Variants in NIPBL observed in about 807,000 individuals in gnomAD.
NIPBL encodes the protein nipped-B-like protein.
In NIPBL, 19 loss-of-function variants were observed where a neutral mutation model predicts 321.8. That is an observed-to-expected ratio of 0.06 (90% confidence interval 0.04 to 0.09). The LOEUF (loss-of-function observed/expected upper bound fraction) is 0.09. Ranked by LOEUF, NIPBL falls within the 10% of genes least tolerant of loss-of-function variation. NIPBL has a pLI of 1.00. For missense variants in NIPBL, 2,210 were observed against 3,327.0 expected, an observed-to-expected ratio of 0.66 and a Z score of 8.26; for synonymous variants, 1,106 against 1,114.1, an observed-to-expected ratio of 0.99 and a Z score of 0.14.
At chr5:37,014,628 C>T in intron 21 of NIPBL, 55 bp from the exon 22 acceptor site, 1 of 1,033,604 alleles carries the variant, frequency 9.7e-7, no homozygotes, top group East Asian at 2.4e-5. Flanking sequence ...ACAATAGCAA[C>T]AGGGCTAACT....
intron 1 of NIPBL, among the ~76,000 whole-genome samples, chr5:36,913,546 C>A (rs1443855667): frequency 6.6e-6 from 1 of 151,846 alleles, no homozygotes; most frequent in Non-Finnish European, 1.5e-5. Context: ...TGTGCCACCA[C>A]AGCTGGCTAA....
At position 37,003,287 on chromosome 5, in the gene NIPBL, C is replaced by A; in HGVS notation, c.3795C>A (p.Val1265=). The part of the protein sequence containing the change: ...DKLSTDKTVK[V]LNILEKNIQD... ...TTTCAACTGACAAAACTGTGAAAGT[C>A]TTAAATATCTTGGAGAAGAATATTC... Residue 1265 remains valine, a synonymous_variant, in exon 16 of 47, where the codon GTC becomes GTA. Coordinates refer to ENST00000282516, the MANE Select transcript of NIPBL (RefSeq NM_133433.4). The A allele has an allele frequency of 1.9e-6, 3 of 1,604,494 alleles. No homozygotes were observed. The highest frequency in any genetic ancestry group is 2.6e-6 in the Non-Finnish European group (3 of 1,171,742).
In NIPBL at chr5:36,886,534, G is replaced by A. The variant is rs1402803080; in HGVS notation, c.-80+9356G>A. 15 of 703,260 alleles carry A rather than the reference G, an allele frequency of 2.1e-5. No individual in the cohort carries two copies. The East Asian group carries it at 3.6e-4, about 17-fold the overall frequency. 43.6% of individuals were successfully genotyped at this position (703,260 alleles called of 1,614,324 possible). A position where few individuals can be genotyped will look rare whatever the true frequency, so the allele number is the denominator to read the frequency against. ...CAGGGTACCCTTTGGGGAGCAGGAG[G>A]CCCATAAAATGTTCAGAGGTCATTG... is the stretch of plus-strand genomic sequence containing the variant. On this transcript the variant is annotated intron_variant, in intron 1 of 46. Transcript: ENST00000282516.
intron 10 of NIPBL, among the ~76,000 whole-genome samples, chr5:36,986,908 C>T (rs2149648002): frequency 6.6e-6 from 1 of 152,170 alleles, no homozygotes; most frequent in East Asian, 1.9e-4. Flanking sequence ...GTTATTTTTG[C>T]ATGGTTTCTG....
chr5:36,971,881 C>T (rs1377081276), intron 7 of NIPBL, 64 bp from the exon 8 acceptor site: 13 of 1,551,694 alleles, frequency 8.4e-6, no homozygotes, highest in Non-Finnish European at 1.1e-5. Flanking sequence ...TATTGGTTCT[C>T]TTTTAAGATT....
chr5:36,925,910 G>A (rs1287740759), intron 1 of NIPBL, among the ~76,000 whole-genome samples: 1 of 152,072 alleles, frequency 6.6e-6, no homozygotes, highest in Non-Finnish European at 1.5e-5. Flanking sequence ...AAACTTCTAA[G>A]TCATGGATTT....
rs961989627 is a variant in NIPBL at position 37,059,032 on chromosome 5, G to A, written c.7552G>A (p.Asp2518Asn). ...DSDSDSDSED[D>N]INSVMKCLPE... Reference sequence around the variant, plus strand: ...AGATTCAGATTCAGATTCAGAAGACGATATAAATTCAGTGATGAAATGTTT... The same window carrying A: ...AGATTCAGATTCAGATTCAGAAGACAATATAAATTCAGTGATGAAATGTTT... Residue 2518 changes from aspartate (D) to asparagine (N), a missense_variant, in exon 44 of 47, where the codon GAT (aspartate) becomes AAT (asparagine). Coordinates refer to ENST00000282516, the MANE Select transcript of NIPBL (RefSeq NM_133433.4). 11 of 1,614,040 alleles carry A rather than the reference G, an allele frequency of 6.8e-6. No individual in the cohort carries two copies. The highest frequency in any genetic ancestry group is 9.3e-6 in the Non-Finnish European group (11 of 1,180,026).
intron 29 of NIPBL, 39 bp from the exon 30 acceptor site, chr5:37,024,546 C>A: frequency 3.2e-6 from 5 of 1,572,774 alleles, no homozygotes; most frequent in Non-Finnish European, 4.4e-6. Flanking sequence ...CTAGGCATCT[C>A]AATTTTTCTG....
At position 37,000,313 on chromosome 5, in the gene NIPBL, A is replaced by G. The variant is rs1036670010; in HGVS notation, c.3305-60A>G. On this transcript the variant is annotated intron_variant, in intron 11 of 46. Coordinates refer to ENST00000282516, the MANE Select transcript of NIPBL (RefSeq NM_133433.4). The stretch of plus-strand genomic sequence containing the variant: ...TCCCCATGTGATTCATTTGTAAAGT[A>G]CAAGTTTTAATCATCTTTTTAAATG... The G allele has an allele frequency of 6.6e-6, 10 of 1,522,508 alleles. No homozygotes were observed. In the African/African-American group the frequency reaches 9.6e-5, roughly 15 times the overall value. 94.3% of individuals were successfully genotyped at this position (1,522,508 alleles called of 1,614,324 possible).
chr5:37,025,807 A>T (rs1385578179), intron 30 of NIPBL, among the ~76,000 whole-genome samples: 1 of 150,126 alleles, frequency 6.7e-6, no homozygotes, highest in East Asian at 1.9e-4. Flanking sequence ...ATGTATCCAT[A>T]AAAAAAAAAT....
chr5:37,058,877 AT>A lies in NIPBL; in HGVS notation c.7411-8del. On this transcript the variant is annotated splice_polypyrimidine_tract_variant and intron_variant, in intron 43 of 46. Coordinates refer to ENST00000282516, the MANE Select transcript of NIPBL (RefSeq NM_133433.4). ...TTTTGTTTTTATTGTTTATCAAACGATTTTTTCTTTCAGTCTATGGTAAAGG... is the reference window on the plus strand; with the variant it reads ...TTTTGTTTTTATTGTTTATCAAACGATTTTTCTTTCAGTCTATGGTAAAGG... 1 of 1,613,118 alleles carries A rather than the reference AT, an allele frequency of 6.2e-7. No homozygotes were observed. Among genetic ancestry groups the A allele is most frequent in the East Asian group, 2.2e-5 (1 of 44,858 alleles).
intron 1 of NIPBL, among the ~76,000 whole-genome samples, chr5:36,880,931 A>G (rs1176646889): frequency 6.6e-6 from 1 of 152,026 alleles, no homozygotes; most frequent in African/African-American, 2.4e-5. Flanking sequence ...CAGCCGGAGG[A>G]TAAGGGATTC....
intron 1 of NIPBL, among the ~76,000 whole-genome samples, chr5:36,901,145 T>A (rs941268855): frequency 6.6e-6 from 1 of 152,240 alleles, no homozygotes; most frequent in Non-Finnish European, 1.5e-5. Flanking sequence ...CTTCTTTGTG[T>A]CCATCTGTGG....
At chr5:36,957,049 C>A (rs139743413) in intron 3 of NIPBL, among the ~76,000 whole-genome samples, 1 of 152,186 alleles carries the variant, frequency 6.6e-6, no homozygotes, top group African/African-American at 2.4e-5. Flanking sequence ...TAAGATTGCC[C>A]TGGAAATGTA....
At chr5:37,062,959 T>G (rs1056879313) in intron 45 of NIPBL, among the ~76,000 whole-genome samples, 4 of 152,058 alleles carry the variant, frequency 2.6e-5, no homozygotes, top group South Asian at 2.1e-4. Flanking sequence ...GCTGGCAAAT[T>G]TTATGATATT....
rs759013143 is a variant in NIPBL at position 36,961,601 on chromosome 5, C to T, written c.458+18C>T. ...CCCTCCAGGTAATATATGTATATAT[C>T]GTTTATTAAATATTGTCTTGTATGG... On this transcript the variant is annotated intron_variant, in intron 5 of 46. Coordinates refer to ENST00000282516, the MANE Select transcript of NIPBL (RefSeq NM_133433.4). 3.5e-5 allele frequency: 48 copies of T among 1,377,424 alleles called. No individual in the cohort carries two copies. The highest frequency in any genetic ancestry group is 3.1e-4 in the South Asian group (27 of 86,168). 85.3% of individuals were successfully genotyped at this position (1,377,424 alleles called of 1,614,324 possible). A position where few individuals can be genotyped will look rare whatever the true frequency, so the allele number is the denominator to read the frequency against.
chr5:36,928,900 A>G (rs539496881), intron 1 of NIPBL, among the ~76,000 whole-genome samples: 18 of 152,274 alleles, frequency 1.2e-4, no homozygotes, highest in East Asian at 1.9e-4. Flanking sequence ...TTGTTTGTCT[A>G]TACACTAGTT....
intron 43 of NIPBL, among the ~76,000 whole-genome samples, chr5:37,058,554 A>C (rs73750921): frequency 0.015 from 2,232 of 152,318 alleles, 55 homozygotes; most frequent in African/African-American, 0.05. Flanking sequence ...AATTATAATT[A>C]CTGCTTTTCC....
chr5:37,040,985 A>G (rs1752276124), intron 34 of NIPBL, among the ~76,000 whole-genome samples: 1 of 151,662 alleles, frequency 6.6e-6, no homozygotes, highest in African/African-American at 2.4e-5. Flanking sequence ...CACTATTTAT[A>G]TCATTTTCAT....
Sources: gnomAD v4.1 joint callset for allele counts (sites outside exome capture counted in the v4.1 genomes callset) on GRCh38, gnomAD v4.1.1 for gene constraint, MANE v1.5 for transcripts, NCBI Gene and HGNC (gene_info 2026-07-23, HGNC 2026-07-21) for gene names.